Variants in SYNDIG1 observed in about 807,000 individuals in gnomAD.
The protein encoded by SYNDIG1 is synapse differentiation inducing 1.
Under a neutral mutation model 19.4 loss-of-function variants are expected in SYNDIG1, and 9 were observed. The ratio of observed to expected loss-of-function variants is 0.46; its 90% CI spans 0.28 to 0.81. The LOEUF (loss-of-function observed/expected upper bound fraction) is 0.81. SYNDIG1 is among the 30% of genes least tolerant of loss of function. SYNDIG1 has a pLI of 0.12. For synonymous variants in SYNDIG1, 141 were observed against 145.9 expected, an observed-to-expected ratio of 0.97 and a Z score of 0.24; for missense variants, 311 against 343.3, an observed-to-expected ratio of 0.91 and a Z score of 0.74.
intron 2 of SYNDIG1, among the ~76,000 whole-genome samples, chr20:24,555,269 T>A (rs2057790364): frequency 6.6e-6 from 1 of 152,220 alleles, no homozygotes; most frequent in African/African-American, 2.4e-5. Context: ...CTGGATTCAT[T>A]AATTTTTTGA....
chr20:24,652,066 G>T (rs556322311), intron 3 of SYNDIG1, among the ~76,000 whole-genome samples: 3 of 152,326 alleles, frequency 2.0e-5, no homozygotes, highest in Admixed American at 6.5e-5. Flanking sequence ...AATGGTTGTT[G>T]TTCAAGCCAC....
chr20:24,630,912 A>G (rs2059231685), intron 3 of SYNDIG1, among the ~76,000 whole-genome samples: 1 of 152,268 alleles, frequency 6.6e-6, no homozygotes, highest in Non-Finnish European at 1.5e-5. Context: ...GGAGCAATAA[A>G]GAACACTCTC....
intron 1 of SYNDIG1, among the ~76,000 whole-genome samples, chr20:24,475,962 G>A (rs1294092570): frequency 6.6e-6 from 1 of 151,678 alleles, no homozygotes; most frequent in Non-Finnish European, 1.5e-5. Context: ...CCGGGTTCAA[G>A]CGATTCTTCC....
At chr20:24,644,413 C>G (rs1444052950) in intron 3 of SYNDIG1, among the ~76,000 whole-genome samples, 1 of 152,246 alleles carries the variant, frequency 6.6e-6, no homozygotes, top group Non-Finnish European at 1.5e-5. Context: ...TCATTCACCT[C>G]TTGACTTAGT....
At chr20:24,512,525 C>T (rs190602642) in intron 1 of SYNDIG1, among the ~76,000 whole-genome samples, 98 of 152,092 alleles carry the variant, frequency 6.4e-4, no homozygotes, top group African/African-American at 2.1e-3. Context: ...CCCACGCCCA[C>T]GGAGCCTCGC....
intron 1 of SYNDIG1, among the ~76,000 whole-genome samples, chr20:24,476,431 G>T (rs1468782152): frequency 2.6e-5 from 4 of 152,204 alleles, no homozygotes; most frequent in Non-Finnish European, 5.9e-5. Context: ...ACTTTGGGAG[G>T]CTAAGGCGGG....
chr20:24,591,064 C>G (rs929399515), intron 3 of SYNDIG1, among the ~76,000 whole-genome samples: 1 of 140,902 alleles, frequency 7.1e-6, no homozygotes, highest in Non-Finnish European at 1.5e-5. Context: ...ACTCATTGAG[C>G]TTTATTTACA....
chr20:24,623,176 C>CAAAAAAAAAAAA (rs56072016), intron 3 of SYNDIG1, among the ~76,000 whole-genome samples: 1 of 140,680 alleles, frequency 7.1e-6, no homozygotes. Context: ...AAGACTCCGT[C>CAAAAAAAAAAAA]AAAAAAAAAA....
intron 1 of SYNDIG1, among the ~76,000 whole-genome samples, chr20:24,500,542 T>TTTC (rs2056428767): frequency 6.7e-6 from 1 of 149,458 alleles, no homozygotes; most frequent in African/African-American, 2.5e-5. Context: ...TCTTTCTTTC[T>TTTC]TTCTTTCTTT....
At chr20:24,590,056 T>C (rs1367672851) in intron 3 of SYNDIG1, among the ~76,000 whole-genome samples, 1 of 152,228 alleles carries the variant, frequency 6.6e-6, no homozygotes, top group Non-Finnish European at 1.5e-5. Context: ...TTTACTTTTC[T>C]CCGTTTTACT....
At chr20:24,607,129 G>A (rs948336953) in intron 3 of SYNDIG1, among the ~76,000 whole-genome samples, 30 of 152,130 alleles carry the variant, frequency 2.0e-4, no homozygotes, top group Non-Finnish European at 4.4e-4. Context: ...GGAGGCTGAG[G>A]CAGTTGGATC....
intron 2 of SYNDIG1, among the ~76,000 whole-genome samples, chr20:24,548,413 A>G (rs2057634351): frequency 6.6e-6 from 1 of 152,234 alleles, no homozygotes; most frequent in Non-Finnish European, 1.5e-5. Flanking sequence ...CTTCCCATGT[A>G]AAAACTTGAA....
intron 1 of SYNDIG1, among the ~76,000 whole-genome samples, chr20:24,478,421 T>C (rs529248856): frequency 2.0e-5 from 3 of 152,368 alleles, no homozygotes; most frequent in African/African-American, 7.2e-5. Context: ...CCCAGAGGGC[T>C]TCCCCAACGT....
At chr20:24,522,728 C>T (rs375913986) in intron 1 of SYNDIG1, among the ~76,000 whole-genome samples, 16 of 152,100 alleles carry the variant, frequency 1.1e-4, no homozygotes, top group African/African-American at 3.6e-4. Context: ...GCTTATTTGG[C>T]TCGTGGTTCT....
At chr20:24,489,452 C>T (rs1172631249) in intron 1 of SYNDIG1, among the ~76,000 whole-genome samples, 2 of 151,364 alleles carry the variant, frequency 1.3e-5, no homozygotes, top group African/African-American at 4.9e-5. Flanking sequence ...CACACAGACA[C>T]ATGCACACAG....
intron 3 of SYNDIG1, among the ~76,000 whole-genome samples, chr20:24,636,438 A>C (rs1165543301): frequency 6.6e-6 from 1 of 152,222 alleles, no homozygotes; most frequent in Non-Finnish European, 1.5e-5. Context: ...GGCAAAGTAC[A>C]TGGGGTTTTA....
intron 2 of SYNDIG1, among the ~76,000 whole-genome samples, chr20:24,548,312 G>T (rs942132618): frequency 6.6e-6 from 1 of 152,206 alleles, no homozygotes; most frequent in Non-Finnish European, 1.5e-5. Flanking sequence ...TCAGCATTAT[G>T]CCAGAGTCCA....
In SYNDIG1 at chr20:24,496,081, G is replaced by C. The variant is rs916075436; in HGVS notation, c.-79+26328G>C. Among the ~76,000 whole-genome samples, 3 of 152,076 alleles carry C rather than the reference G, an allele frequency of 2.0e-5. No homozygotes were observed. The East Asian group carries it at 5.8e-4, about 29-fold the overall frequency. ...AGGATGGTCTCGATCTCCTGACCTC[G>C]TGATCAGCCCGCCTCGGCCTCCCAA... is the stretch of plus-strand genomic sequence containing the variant. On this transcript the variant is annotated intron_variant, in intron 1 of 3. Transcript: ENST00000376862.
At chr20:24,476,936 G>T (rs1568567752) in intron 1 of SYNDIG1, among the ~76,000 whole-genome samples, 1 of 151,750 alleles carries the variant, frequency 6.6e-6, no homozygotes, top group Non-Finnish European at 1.5e-5. Flanking sequence ...ACATTCATTG[G>T]TACACTTGCT....
Sources: gnomAD v4.1 joint callset for allele counts (sites outside exome capture counted in the v4.1 genomes callset) on GRCh38, gnomAD v4.1.1 for gene constraint, MANE v1.5 for transcripts, NCBI Gene and HGNC (gene_info 2026-07-23, HGNC 2026-07-21) for gene names.